The following NCOA5 variants were observed in gnomAD, a reference collection of about 807,000 sequenced individuals.
NCOA5 encodes the protein NCoA-5.
In NCOA5, 12 loss-of-function variants were observed where a neutral mutation model predicts 59.0. That is an observed-to-expected ratio of 0.20 (90% confidence interval 0.13 to 0.33). The LOEUF (loss-of-function observed/expected upper bound fraction) is 0.33. Among genes scored for constraint, NCOA5 ranks in the 10% least tolerant of loss-of-function variants. The probability of loss-of-function intolerance (pLI) is 1.00; values close to 1 mark genes in which losing one functional copy is unlikely to be tolerated. For synonymous variants in NCOA5, 270 were observed against 275.5 expected (o/e 0.98, Z 0.20); for missense variants, 655 against 766.6 (o/e 0.85, Z 1.72).
chr20:46,063,801 G>T (rs1402928493), intron 6 of NCOA5, 121 bp from the exon 7 acceptor site: 2 of 1,056,134 alleles, frequency 1.9e-6, no homozygotes, highest in Non-Finnish European at 2.7e-6. Flanking sequence ...GTGACAAAAA[G>T]CCTTGAGATT....
chr20:46,082,772 AAG>A (rs1045062136), intron 1 of NCOA5, among the ~76,000 whole-genome samples: 7 of 152,348 alleles, frequency 4.6e-5, no homozygotes, highest in African/African-American at 1.4e-4. Context: ...AGACAAGAAA[AAG>A]AGCTTTACAT....
At chr20:46,075,178 A>G (rs533136650) in intron 2 of NCOA5, among the ~76,000 whole-genome samples, 1 of 152,340 alleles carries the variant, frequency 6.6e-6, no homozygotes, top group Admixed American at 6.5e-5. Flanking sequence ...GTGCAATGAG[A>G]TATCACACCT....
chr20:46,070,842 GACTTT>G (rs1209557114), intron 2 of NCOA5, among the ~76,000 whole-genome samples: 1 of 152,134 alleles, frequency 6.6e-6, no homozygotes, highest in Non-Finnish European at 1.5e-5. Context: ...GCTTGAAAGA[GACTTT>G]ACAAGGGGTA....
chr20:46,086,502 T>G (rs193080412), intron 1 of NCOA5, among the ~76,000 whole-genome samples: 1 of 152,220 alleles, frequency 6.6e-6, no homozygotes, highest in Non-Finnish European at 1.5e-5. Context: ...ATTTCTCTAA[T>G]GTACTGCTGC....
chr20:46,089,558 C>T (rs1304319761), intron 1 of NCOA5, among the ~76,000 whole-genome samples: 1 of 152,188 alleles, frequency 6.6e-6, no homozygotes, highest in African/African-American at 2.4e-5. Context: ...GGCTGCGATG[C>T]GACGCCGCCG....
At chr20:46,065,310 C>T in intron 5 of NCOA5, 82 bp from the exon 6 acceptor site, 1 of 1,340,550 alleles carries the variant, frequency 7.5e-7, no homozygotes, top group Non-Finnish European at 1.1e-6. Context: ...TGTGTTCCTA[C>T]TGATAACTCA....
intron 1 of NCOA5, among the ~76,000 whole-genome samples, chr20:46,087,336 T>C (rs747194500): frequency 6.6e-6 from 1 of 152,248 alleles, no homozygotes; most frequent in Non-Finnish European, 1.5e-5. Context: ...ATCCTCACAG[T>C]AGTAAAACAT....
chr20:46,087,575 T>G (rs1481461390), intron 1 of NCOA5, among the ~76,000 whole-genome samples: 1 of 152,034 alleles, frequency 6.6e-6, no homozygotes, highest in African/African-American at 2.4e-5. Flanking sequence ...CTGACCAACA[T>G]GGAGAAACCC....
rs549681213 is a variant in NCOA5, at chr20:46,061,064, A to C, written c.*1236T>G. ...AAGAGTTCCAAAGAGGAAAAAAAAA[A>C]CCACTATATAACACAAACAGGTCAG... is the stretch of plus-strand genomic sequence containing the variant. On this transcript the variant is annotated 3_prime_UTR_variant, in exon 8 of 8. Transcript: ENST00000290231. 8 of 152,254 alleles carry C rather than the reference A, an allele frequency of 5.3e-5. No homozygotes were observed. Among genetic ancestry groups the C allele is most frequent in the Non-Finnish European group, 8.8e-5 (6 of 68,018 alleles). 9.4% of individuals were successfully genotyped at this position (152,254 alleles called of 1,614,324 possible).
chr20:46,068,368 A>G (rs372369844), intron 4 of NCOA5, 134 bp downstream of exon 4: 18 of 857,552 alleles, frequency 2.1e-5, no homozygotes, highest in African/African-American at 3.5e-5. Context: ...TAAGCTACTT[A>G]TATTTCTTCT....
chr20:46,076,563 T>A (rs901470354), intron 2 of NCOA5, among the ~76,000 whole-genome samples: 16 of 152,044 alleles, frequency 1.1e-4, no homozygotes, highest in African/African-American at 3.1e-4. Flanking sequence ...AATGTTAAAT[T>A]TGTCTTTTTT....
At chr20:46,068,472 AATAGGAAT>A (rs761855334) in intron 4 of NCOA5, 22 bp downstream of exon 4, 1 of 1,589,662 alleles carries the variant, frequency 6.3e-7, no homozygotes, top group Non-Finnish European at 8.5e-7. Flanking sequence ...TTCTATCAAT[AATAGGAAT>A]AGACTGTTTC....
At chr20:46,065,534 T>C (rs1402999707) in intron 5 of NCOA5, among the ~76,000 whole-genome samples, 1 of 152,170 alleles carries the variant, frequency 6.6e-6, no homozygotes, top group Non-Finnish European at 1.5e-5. Flanking sequence ...ACTTATCTCT[T>C]TTTGGGTAGG....
intron 1 of NCOA5, among the ~76,000 whole-genome samples, chr20:46,082,921 C>T (rs1046077100): frequency 2.0e-5 from 3 of 152,108 alleles, no homozygotes; most frequent in Admixed American, 2.0e-4. Flanking sequence ...ACTAATATGC[C>T]AGACAGGGGT....
intron 4 of NCOA5, among the ~76,000 whole-genome samples, chr20:46,068,049 G>GC (rs1355047601): frequency 1.3e-5 from 2 of 151,916 alleles, no homozygotes; most frequent in Non-Finnish European, 2.9e-5. Flanking sequence ...TCCTGCCTCA[G>GC]CCCCCCGAGT....
chr20:46,079,587 G>C, intron 1 of NCOA5, 134 bp from the exon 2 acceptor site: 2 of 720,022 alleles, frequency 2.8e-6, no homozygotes, highest in Non-Finnish European at 4.7e-6. Flanking sequence ...ATTCAGCAGA[G>C]ACACACTGTC....
Position 46,087,672 on chromosome 20 carries a change from T to C in NCOA5, c.-30+2145A>G, listed in dbSNP as rs12053617. 1.4e-4 allele frequency among the ~76,000 whole-genome samples: 21 copies of C among 152,252 alleles called. No individual in the cohort carries two copies. In the East Asian group the frequency reaches 2.1e-3, roughly 15 times the overall value. On this transcript the variant is annotated intron_variant, in intron 1 of 7. Coordinates refer to ENST00000290231, the MANE Select transcript of NCOA5 (RefSeq NM_020967.3). ...TACTTAGGAGACTGAGGCAGGAGAA[T>C]TGCTTGAACCCGGGGGCCAAGATCG...
intron 1 of NCOA5, among the ~76,000 whole-genome samples, chr20:46,084,786 T>C (rs1600634662): frequency 6.6e-6 from 1 of 152,198 alleles, no homozygotes; most frequent in Non-Finnish European, 1.5e-5. Context: ...TTTGCAAAGG[T>C]TGAGCTAATC....
intron 6 of NCOA5, 147 bp downstream of exon 6, chr20:46,064,882 A>G (rs1420692263): frequency 3.8e-5 from 28 of 732,108 alleles, no homozygotes; most frequent in Non-Finnish European, 5.8e-5. Flanking sequence ...GTGACTATGC[A>G]AGACTCTTCC....
Sources: allele counts gnomAD v4.1 joint callset (sites outside exome capture counted in the v4.1 genomes callset), GRCh38; gene constraint gnomAD v4.1.1; transcripts MANE v1.5; gene names NCBI Gene and HGNC (gene_info 2026-07-23, HGNC 2026-07-21).